Variants in ERO1B observed in about 807,000 individuals in gnomAD.
ERO1B encodes the protein endoplasmic reticulum oxidoreductase 1 beta, also known as ERO1-like protein beta.
In ERO1B, 49 loss-of-function variants were observed where a neutral mutation model predicts 75.3. The observed-to-expected ratio is 0.65, with a 90% CI of 0.52 to 0.83. The LOEUF is 0.83. ERO1B is among the 40% of genes least tolerant of loss of function. ERO1B has a pLI of 0.00. For synonymous variants in ERO1B, 191 were observed against 192.9 expected, an observed-to-expected ratio of 0.99 and a Z score of 0.08; for missense variants, 512 against 560.1, an observed-to-expected ratio of 0.91 and a Z score of 0.87.
chr1:236,240,946 G>A (rs1481213981), intron 6 of ERO1B, among the ~76,000 whole-genome samples: 1 of 152,078 alleles, frequency 6.6e-6, no homozygotes, highest in African/African-American at 2.4e-5. Flanking sequence ...GACATTTGAG[G>A]AGAAACATGA....
chr1:236,263,967 T>TAA (rs1665355693), intron 2 of ERO1B, among the ~76,000 whole-genome samples: 1 of 151,852 alleles, frequency 6.6e-6, no homozygotes, highest in Non-Finnish European at 1.5e-5. Flanking sequence ...TTATAACTTC[T>TAA]AAATGGTTAT....
intron 6 of ERO1B, among the ~76,000 whole-genome samples, chr1:236,242,845 T>C (rs966543101): frequency 6.6e-6 from 1 of 152,108 alleles, no homozygotes; most frequent in Non-Finnish European, 1.5e-5. Context: ...TTAAGAGAAG[T>C]GGTAGTTACT....
At chr1:236,263,405 C>A (rs550949967) in intron 2 of ERO1B, among the ~76,000 whole-genome samples, 2 of 151,956 alleles carry the variant, frequency 1.3e-5, no homozygotes, top group Non-Finnish European at 2.9e-5. Flanking sequence ...CACTCCACCA[C>A]GCCTGGCTAA....
chr1:236,280,945 T>C (rs1363682404), intron 1 of ERO1B, among the ~76,000 whole-genome samples: 1 of 152,214 alleles, frequency 6.6e-6, no homozygotes, highest in East Asian at 1.9e-4. Context: ...CTCAGATTTC[T>C]AGCACACTGA....
chr1:236,243,151 A>G (rs1664752955), intron 6 of ERO1B, among the ~76,000 whole-genome samples: 1 of 152,182 alleles, frequency 6.6e-6, no homozygotes, highest in Non-Finnish European at 1.5e-5. Context: ...GATCTTGGGC[A>G]AGTTATTTAG....
intron 13 of ERO1B, among the ~76,000 whole-genome samples, chr1:236,223,548 CATGTA>C (rs1387342182): frequency 6.6e-6 from 1 of 152,182 alleles, no homozygotes; most frequent in Non-Finnish European, 1.5e-5. Flanking sequence ...GTCATATTCT[CATGTA>C]ATGTAAGTTC....
In ERO1B at chr1:236,261,035, A is replaced by G. The variant is rs78535743; in HGVS notation, c.223-7530T>C. On this transcript the variant is annotated intron_variant, in intron 2 of 15. Transcript: ENST00000354619. ...ACATAAATCAATAAAAATAATACAC[A>G]TTAAGCAAATTAAAGACAAAAGCCA... 7.9e-4 allele frequency among the ~76,000 whole-genome samples: 121 copies of G among 152,330 alleles called. No homozygotes were observed. The East Asian group carries it at 0.019, about 24-fold the overall frequency.
chr1:236,254,379 G>T (rs1749563), intron 2 of ERO1B, among the ~76,000 whole-genome samples: 37,685 of 151,830 alleles, frequency 0.25, 4,856 homozygotes, highest in East Asian at 0.38. Context: ...CTACTTCTAT[G>T]TCCATACAGC....
intron 3 of ERO1B, among the ~76,000 whole-genome samples, chr1:236,252,968 T>TA (rs397769466): frequency 2.6e-5 from 4 of 151,954 alleles, no homozygotes; most frequent in East Asian, 1.9e-4. Flanking sequence ...GGTTTTTTTT[T>TA]AAATGTAAAT....
intron 13 of ERO1B, among the ~76,000 whole-genome samples, chr1:236,222,222 GTCT>G (rs1664166634): frequency 6.6e-6 from 1 of 152,154 alleles, no homozygotes; most frequent in African/African-American, 2.4e-5. Flanking sequence ...GGATTCTCCT[GTCT>G]CCTCAGCCTC....
chr1:236,228,685 G>C (rs1664331863), intron 10 of ERO1B, among the ~76,000 whole-genome samples: 2 of 152,182 alleles, frequency 1.3e-5, no homozygotes, highest in African/African-American at 4.8e-5. Context: ...GCATTTGGAC[G>C]TGGATTTGTG....
intron 2 of ERO1B, among the ~76,000 whole-genome samples, chr1:236,264,125 C>A (rs969581900): frequency 6.6e-6 from 1 of 152,010 alleles, no homozygotes. Context: ...ATTTTTGAGA[C>A]AGAGTCTCGC....
chr1:236,232,216 T>A (rs1572036239), intron 9 of ERO1B, among the ~76,000 whole-genome samples: 1 of 152,364 alleles, frequency 6.6e-6, no homozygotes, highest in African/African-American at 2.4e-5. Context: ...ATTGTTTATG[T>A]ACAGTGCTTA....
intron 6 of ERO1B, among the ~76,000 whole-genome samples, chr1:236,241,692 G>C (rs1475434165): frequency 7.0e-6 from 1 of 142,138 alleles, no homozygotes; most frequent in Non-Finnish European, 1.6e-5. Context: ...ATATAATCTT[G>C]AAAATCTTAA....
At chr1:236,230,377 C>T (rs530203658) in intron 9 of ERO1B, 127 bp from the exon 10 acceptor site, 15 of 696,688 alleles carry the variant, frequency 2.2e-5, no homozygotes, top group South Asian at 1.1e-4. Context: ...TTTGGGAGGC[C>T]GAGGTGGGCT....
intron 2 of ERO1B, among the ~76,000 whole-genome samples, chr1:236,268,689 A>T (rs1381355515): frequency 7.3e-5 from 11 of 151,342 alleles, no homozygotes; most frequent in East Asian, 2.0e-4. Context: ...GATCAAGACC[A>T]TCCTGGCTAA....
chr1:236,253,754 T>A (rs1473619009), intron 2 of ERO1B, among the ~76,000 whole-genome samples: 1 of 152,206 alleles, frequency 6.6e-6, no homozygotes, highest in African/African-American at 2.4e-5. Flanking sequence ...TGTTATCTTA[T>A]TAATGAGAAT....
At chr1:236,233,381 C>G (rs76836767) in intron 8 of ERO1B, among the ~76,000 whole-genome samples, 10,055 of 150,212 alleles carry the variant, frequency 0.067, 696 homozygotes, top group East Asian at 0.38. Flanking sequence ...GGAGGATCAC[C>G]AGGTCAGGAG....
chr1:236,279,504 C>CAAAAAAAAAACA (rs1665776975), intron 1 of ERO1B, among the ~76,000 whole-genome samples: 2 of 78,540 alleles, frequency 2.5e-5, no homozygotes, highest in Non-Finnish European at 4.7e-5. Flanking sequence ...GACTCCATCT[C>CAAAAAAAAAACA]AAAAAAAAAA....
Sources: allele counts gnomAD v4.1 joint callset (sites outside exome capture counted in the v4.1 genomes callset), GRCh38; gene constraint gnomAD v4.1.1; transcripts MANE v1.5; gene names NCBI Gene and HGNC (gene_info 2026-07-23, HGNC 2026-07-21).